The following MTAP variants were observed in gnomAD, a reference collection of about 807,000 sequenced individuals.
The protein encoded by MTAP is S-methyl-5'-thioadenosine phosphorylase.
Under a neutral mutation model 33.6 loss-of-function variants are expected in MTAP, and 33 were observed. That is an observed-to-expected ratio of 0.98 (90% confidence interval 0.74 to 1.31). The LOEUF is 1.31. Among genes scored for constraint, MTAP ranks in the 40% most tolerant of loss-of-function variants. The probability of loss-of-function intolerance (pLI) is 0.00; values close to 1 mark genes in which losing one functional copy is unlikely to be tolerated. For missense variants in MTAP, 367 were observed against 360.0 expected (o/e 1.02, Z -0.16); for synonymous variants, 148 against 125.7 (o/e 1.18, Z -1.19).
At chr9:21,897,422 G>A (rs1317294069) in intron 1 of MTAP, among the ~76,000 whole-genome samples, 2 of 152,174 alleles carry the variant, frequency 1.3e-5, no homozygotes, top group Admixed American at 6.5e-5. Context: ...ATCCAATGAG[G>A]AAAAGAGGAA....
At chr9:21,803,029 CACACA>C (rs2117853392) in intron 1 of MTAP, 15 of 1,038,688 alleles carry the variant, frequency 1.4e-5, no homozygotes, top group South Asian at 2.1e-5. Flanking sequence ...CACACACACA[CACACA>C]CACCACCTTT....
rs1482588925 is a variant in MTAP at position 21,802,670 on chromosome 9, C to G, written c.-79C>G. The stretch of plus-strand genomic sequence containing the variant: ...GCTCACTCCCGCGCAGTGAGGTTGG[C>G]ACAGCCACCGCTCTGTGGCTCGCTT... On this transcript the variant is annotated 5_prime_UTR_variant, in exon 1 of 8. Transcript: ENST00000644715. 3 of 1,555,778 alleles carry G rather than the reference C, an allele frequency of 1.9e-6. No individual in the cohort carries two copies. The highest frequency in any genetic ancestry group is 1.7e-5 in the Admixed American group (1 of 58,448).
At chr9:21,854,497 C>A in intron 5 of MTAP, 134 bp from the exon 6 acceptor site, 1 of 1,238,936 alleles carries the variant, frequency 8.1e-7, no homozygotes, top group Non-Finnish European at 1.1e-6. Context: ...TTCTGAGAGC[C>A]TGGCAGATAG....
At chr9:21,936,666 ATATT>A in exon 8 of MTAP, 1 of 152,344 alleles carries the variant, frequency 6.6e-6, no homozygotes, top group Non-Finnish European at 1.5e-5. Context: ...ATAAAATGGT[ATATT>A]TATAGATTTA....
chr9:21,899,296 C>T (rs1441943944), intron 1 of MTAP, among the ~76,000 whole-genome samples: 6 of 151,268 alleles, frequency 4.0e-5, no homozygotes, highest in African/African-American at 7.3e-5. Context: ...GACAAGTTAA[C>T]GGGTGCAGCA....
intron 1 of MTAP, chr9:21,893,465 G>A (rs1191254643): frequency 6.6e-6 from 1 of 152,098 alleles, no homozygotes; most frequent in African/African-American, 2.4e-5. Flanking sequence ...GAAACCAAAC[G>A]TTGGTTTTCT....
At chr9:21,885,679 G>C (rs1818096767) in intron 1 of MTAP, among the ~76,000 whole-genome samples, 1 of 151,932 alleles carries the variant, frequency 6.6e-6, no homozygotes, top group Non-Finnish European at 1.5e-5. Flanking sequence ...TTGGTTTTCT[G>C]TTCCTTAGTT....
chr9:21,856,036 T>C (rs1378922506), intron 6 of MTAP: 1 of 387,964 alleles, frequency 2.6e-6, no homozygotes, highest in Non-Finnish European at 3.5e-6. Context: ...ATGTTGTATT[T>C]TAATGATTAC....
intron 1 of MTAP, among the ~76,000 whole-genome samples, chr9:21,928,125 G>A (rs370582556): frequency 3.9e-4 from 60 of 152,126 alleles, no homozygotes; most frequent in African/African-American, 1.4e-3. Context: ...GGGCCATCCA[G>A]CATGGGTATA....
intron 1 of MTAP, chr9:21,811,723 C>G (rs535881065): frequency 1.1e-4 from 58 of 531,992 alleles, no homozygotes; most frequent in African/African-American, 9.8e-4. Context: ...TGCTTTCAGC[C>G]TCGGTGAATT....
chr9:21,855,345 C>T (rs567717450), intron 6 of MTAP, among the ~76,000 whole-genome samples: 4 of 152,120 alleles, frequency 2.6e-5, no homozygotes, highest in African/African-American at 9.7e-5. Context: ...GACATTCTGT[C>T]GGATGGAGAT....
intron 5 of MTAP, among the ~76,000 whole-genome samples, chr9:21,841,581 T>G (rs751493020): frequency 6.6e-6 from 1 of 151,496 alleles, no homozygotes; most frequent in Non-Finnish European, 1.5e-5. Context: ...CTTGGAGACC[T>G]GAAGATGGAT....
In MTAP at chr9:21,864,362, T is replaced by A. The variant is rs1000140684; in HGVS notation, c.*2348T>A. Reference sequence around the variant, plus strand: ...TGATGCTGTACTAATTTTTTTTTTTTAATTTAAGCTAGTATACTAAGTGAA... The same window carrying A: ...TGATGCTGTACTAATTTTTTTTTTTAAATTTAAGCTAGTATACTAAGTGAA... On this transcript the variant is annotated 3_prime_UTR_variant, in exon 8 of 8. Coordinates refer to ENST00000644715, the MANE Select transcript of MTAP (RefSeq NM_002451.4). 8 of 985,020 alleles carry A rather than the reference T, an allele frequency of 8.1e-6. No homozygotes were observed. The highest frequency in any genetic ancestry group is 1.7e-5 in the African/African-American group (1 of 57,164). The allele number at this position is 985,020 out of a possible 1,614,324, so 61.0% of individuals were successfully genotyped here.
chr9:21,812,694 T>A lies in MTAP; in HGVS notation c.34-2739T>A, dbSNP rs116607298. ...CAGATACCTGGAGTCACTGTTTCTG[T>A]GCTTGTTCTGTGACCTTCGTCATGA... On this transcript the variant is annotated intron_variant, in intron 1 of 7. Coordinates refer to ENST00000644715, the MANE Select transcript of MTAP (RefSeq NM_002451.4). 1.4e-3 allele frequency among the ~76,000 whole-genome samples: 217 copies of A among 152,366 alleles called. 1 individual carries two copies. The highest frequency in any genetic ancestry group is 4.2e-3 in the African/African-American group (173 of 41,582).
chr9:21,897,164 T>C (rs1423189189), intron 1 of MTAP, among the ~76,000 whole-genome samples: 1 of 152,168 alleles, frequency 6.6e-6, no homozygotes, highest in Non-Finnish European at 1.5e-5. Context: ...GAAAAGGCCT[T>C]TGACAAAATT....
chr9:21,854,363 G>A lies in MTAP; in HGVS notation c.451-268G>A, dbSNP rs140211797. Reference sequence around the variant, plus strand: ...TAAAGCATATAAACAAATGCCTGGCGAGTAGAAAGAGCTCAGTGCTTGCTT... The same window carrying A: ...TAAAGCATATAAACAAATGCCTGGCAAGTAGAAAGAGCTCAGTGCTTGCTT... On this transcript the variant is annotated intron_variant, in intron 5 of 7. Transcript: ENST00000644715. Among the ~76,000 whole-genome samples, 17 of 152,266 alleles carry A rather than the reference G, an allele frequency of 1.1e-4. No homozygotes were observed. In the East Asian group the frequency reaches 1.9e-3, roughly 17 times the overall value.
rs1470266319 is a variant in MTAP, at chr9:21,854,633, T to C, written c.453T>C (p.Val151=). The change falls in exon 6 of 8, where the codon GTT becomes GTC. Residue 151 remains valine, a splice_region_variant and synonymous_variant. Transcript: ENST00000644715. The part of the protein sequence containing the change: ...AEPFCPKTRE[V]LIETAKKLGL... ...AGTTTCTGGTTTTTCTTTTCTAGGT[T>C]CTTATAGAGACTGCTAAGAAGCTAG... 6.4e-7 allele frequency: 1 copy of C among 1,567,396 alleles called. No homozygotes were observed. The highest frequency in any genetic ancestry group is 8.6e-7 in the Non-Finnish European group (1 of 1,159,118).
chr9:21,884,336 G>A (rs113950215), intron 1 of MTAP, among the ~76,000 whole-genome samples: 2 of 152,152 alleles, frequency 1.3e-5, no homozygotes, highest in Non-Finnish European at 2.9e-5. Context: ...ATGGATAAAT[G>A]ATTGTGGTAT....
intron 1 of MTAP, among the ~76,000 whole-genome samples, chr9:21,894,211 T>TAAAAAAAAAAAAAAAAAA (rs60193324): frequency 7.7e-6 from 1 of 129,736 alleles, no homozygotes; most frequent in African/African-American, 2.9e-5. Flanking sequence ...CCTTTCATGT[T>TAAAAAAAAAAAAAAAAAA]AAAAAAAAAA....
Sources: allele counts gnomAD v4.1 joint callset (sites outside exome capture counted in the v4.1 genomes callset), GRCh38; gene constraint gnomAD v4.1.1; transcripts MANE v1.5; gene names NCBI Gene and HGNC (gene_info 2026-07-23, HGNC 2026-07-21).